Variants in CSMD1 observed in about 807,000 individuals in gnomAD.
The protein encoded by CSMD1 is CUB and Sushi multiple domains 1, also known as CUB and sushi domain-containing protein 1.
Under a neutral mutation model 417.5 loss-of-function variants are expected in CSMD1, and 213 were observed. That is an observed-to-expected ratio of 0.51 (90% CI 0.46 to 0.57). CSMD1 has a LOEUF of 0.57. CSMD1 is among the 20% of genes least tolerant of loss of function. CSMD1 has a pLI of 0.00. For missense variants in CSMD1, 6,923 were observed against 4,529.7 expected (o/e 1.53, Z -15.17); for synonymous variants, 2,862 against 1,736.8 (o/e 1.65, Z -16.11).
chr8:3,477,784 T>A (rs1817516232), intron 11 of CSMD1, among the ~76,000 whole-genome samples: 1 of 152,076 alleles, frequency 6.6e-6, no homozygotes, highest in Non-Finnish European at 1.5e-5. Context: ...TGAGAGCAAG[T>A]AAAGTGAGTT....
chr8:4,154,348 T>A (rs1478743425), intron 3 of CSMD1, among the ~76,000 whole-genome samples: 1 of 152,224 alleles, frequency 6.6e-6, no homozygotes, highest in Admixed American at 6.5e-5. Flanking sequence ...GAGTATTCAG[T>A]CAAGCAAATG....
chr8:4,119,649 C>T (rs1322262345), intron 3 of CSMD1, among the ~76,000 whole-genome samples: 1 of 152,144 alleles, frequency 6.6e-6, no homozygotes, highest in Non-Finnish European at 1.5e-5. Context: ...AACAAGGAAG[C>T]ACACAAGCAC....
At chr8:3,973,838 C>T (rs947539730) in intron 5 of CSMD1, among the ~76,000 whole-genome samples, 7 of 152,046 alleles carry the variant, frequency 4.6e-5, no homozygotes, top group Admixed American at 6.6e-5. Context: ...TATGTAGTTG[C>T]TGTTTTTTAA....
intron 3 of CSMD1, among the ~76,000 whole-genome samples, chr8:4,081,021 C>T (rs1238972155): frequency 2.0e-5 from 3 of 152,120 alleles, no homozygotes; most frequent in Non-Finnish European, 4.4e-5. Context: ...GCCTTTGCCT[C>T]CCTTGTGCCA....
intron 46 of CSMD1, 103 bp from the exon 47 acceptor site, chr8:3,097,140 C>T (rs1240972616): frequency 9.3e-6 from 9 of 962,780 alleles, no homozygotes; most frequent in Non-Finnish European, 1.2e-5. Flanking sequence ...AAGGAAAAAG[C>T]AATCTTATTG....
intron 3 of CSMD1, among the ~76,000 whole-genome samples, chr8:4,166,217 A>T (rs1345989686): frequency 1.3e-5 from 2 of 152,184 alleles, no homozygotes; most frequent in Non-Finnish European, 2.9e-5. Context: ...GACATATTTC[A>T]TTTAACCCAA....
Position 4,054,140 on chromosome 8 carries a change from G to A in CSMD1, c.416-22041C>T, listed in dbSNP as rs559959126. ...GCAGCCATTCTCCACTTTTTTCTAT[G>A]TAAGTACAGAACTCCTCATTACCAC... is the stretch of plus-strand genomic sequence containing the variant. On this transcript the variant is annotated intron_variant, in intron 3 of 69. Coordinates refer to ENST00000635120, the MANE Select transcript of CSMD1 (RefSeq NM_033225.6). Among the ~76,000 whole-genome samples, 164 of 152,202 alleles carry A rather than the reference G, an allele frequency of 1.1e-3. 2 individuals are homozygous for A. Among genetic ancestry groups the A allele is most frequent in the African/African-American group, 3.9e-3 (160 of 41,524 alleles).
chr8:4,761,132 T>C (rs1213205200), intron 1 of CSMD1, among the ~76,000 whole-genome samples: 1 of 152,088 alleles, frequency 6.6e-6, no homozygotes, highest in Non-Finnish European at 1.5e-5. Flanking sequence ...AAAAGAGTCT[T>C]CTACACGTAA....
chr8:3,998,191 T>G, intron 4 of CSMD1, 81 bp from the exon 5 acceptor site: 1 of 1,251,776 alleles, frequency 8.0e-7, no homozygotes, highest in Non-Finnish European at 1.1e-6. Context: ...GTGTCACTCT[T>G]GATCAGCGAC....
intron 5 of CSMD1, among the ~76,000 whole-genome samples, chr8:3,842,489 T>A (rs946885735): frequency 1.1e-4 from 16 of 152,282 alleles, no homozygotes; most frequent in Admixed American, 7.2e-4. Flanking sequence ...TAAATATTTT[T>A]TGGCTAAATT....
intron 14 of CSMD1, among the ~76,000 whole-genome samples, chr8:3,406,876 T>C (rs895395096): frequency 6.6e-6 from 1 of 152,226 alleles, no homozygotes; most frequent in Non-Finnish European, 1.5e-5. Flanking sequence ...GAGCTGTCAT[T>C]AAACTTCACT....
At chr8:3,443,856 T>C (rs1815142193) in intron 12 of CSMD1, among the ~76,000 whole-genome samples, 1 of 152,196 alleles carries the variant, frequency 6.6e-6, no homozygotes, top group South Asian at 2.1e-4. Flanking sequence ...ATGGAAATGT[T>C]GGTATTGCTT....
chr8:4,759,682 G>A (rs1427757765), intron 1 of CSMD1, among the ~76,000 whole-genome samples: 1 of 152,144 alleles, frequency 6.6e-6, no homozygotes, highest in Non-Finnish European at 1.5e-5. Flanking sequence ...TTCGGTTGCT[G>A]CATTAGCTTG....
chr8:3,780,322 T>C (rs1799107686), intron 5 of CSMD1, among the ~76,000 whole-genome samples: 1 of 152,194 alleles, frequency 6.6e-6, no homozygotes, highest in African/African-American at 2.4e-5. Context: ...TCAACTGAAA[T>C]AACAGTTGTT....
chr8:3,163,568 T>C (rs1820026326), intron 37 of CSMD1, among the ~76,000 whole-genome samples: 1 of 151,400 alleles, frequency 6.6e-6, no homozygotes, highest in Non-Finnish European at 1.5e-5. Context: ...CCCTGCTTCA[T>C]CTGCTTCATG....
At chr8:4,235,925 C>T (rs1341811979) in intron 3 of CSMD1, among the ~76,000 whole-genome samples, 1 of 152,098 alleles carries the variant, frequency 6.6e-6, no homozygotes, top group Non-Finnish European at 1.5e-5. Flanking sequence ...CGCCAACAAA[C>T]CATTTGTGTT....
At chr8:3,745,205 T>C (rs1797009229) in intron 6 of CSMD1, among the ~76,000 whole-genome samples, 1 of 152,222 alleles carries the variant, frequency 6.6e-6, no homozygotes, top group Non-Finnish European at 1.5e-5. Flanking sequence ...TTATATTTTT[T>C]GGGGTAGTAA....
At chr8:4,544,840 C>T (rs1005528802) in intron 2 of CSMD1, among the ~76,000 whole-genome samples, 1 of 152,142 alleles carries the variant, frequency 6.6e-6, no homozygotes, top group African/African-American at 2.4e-5. Flanking sequence ...TCACTGCTTC[C>T]AAAAATAGGG....
At chr8:3,977,675 T>C (rs958722929) in intron 5 of CSMD1, among the ~76,000 whole-genome samples, 52 of 152,204 alleles carry the variant, frequency 3.4e-4, no homozygotes, top group Non-Finnish European at 6.2e-4. Context: ...CTCATAAGAA[T>C]GTGGTAAATC....
Sources: allele counts gnomAD v4.1 joint callset (sites outside exome capture counted in the v4.1 genomes callset), GRCh38; gene constraint gnomAD v4.1.1; transcripts MANE v1.5; gene names NCBI Gene and HGNC (gene_info 2026-07-23, HGNC 2026-07-21).